Variants in FTO observed in about 807,000 individuals in gnomAD.
FTO encodes FTO alpha-ketoglutarate dependent dioxygenase, also known as alpha-ketoglutarate-dependent dioxygenase FTO.
Under a neutral mutation model 63.9 loss-of-function variants are expected in FTO, and 47 were observed. The ratio of observed to expected loss-of-function variants is 0.74; its 90% CI spans 0.58 to 0.94. The LOEUF is 0.94. FTO is among the 40% of genes least tolerant of loss of function. FTO has a pLI of 0.00. For missense variants in FTO, 562 were observed against 618.1 expected, an observed-to-expected ratio of 0.91 and a Z score of 0.96; for synonymous variants, 207 against 224.4, an observed-to-expected ratio of 0.92 and a Z score of 0.69.
At chr16:53,715,824 C>T (rs2075882467) in intron 1 of FTO, among the ~76,000 whole-genome samples, 1 of 151,994 alleles carries the variant, frequency 6.6e-6, no homozygotes, top group Non-Finnish European at 1.5e-5. Context: ...TATATTTATT[C>T]TAATATGTTG....
intron 8 of FTO, among the ~76,000 whole-genome samples, chr16:53,936,933 T>C (rs2082404394): frequency 6.6e-6 from 1 of 152,212 alleles, no homozygotes. Context: ...TTTGCGATCA[T>C]ATTAGGGAGA....
At chr16:54,063,458 G>C (rs993594800) in intron 8 of FTO, among the ~76,000 whole-genome samples, 1 of 152,156 alleles carries the variant, frequency 6.6e-6, no homozygotes, top group Non-Finnish European at 1.5e-5. Context: ...ACAGCGCTAC[G>C]TTTTACAGTT....
At position 54,018,409 on chromosome 16, in the gene FTO, G is replaced by GATAGATAGATAGATAGATAGTTAC. The variant is rs1474063795; in HGVS notation, c.1364+84303_1364+84304insGATAGATAGATAGATAGTTACATA. 3.9e-4 allele frequency among the ~76,000 whole-genome samples: 55 copies of GATAGATAGATAGATAGATAGTTAC among 142,228 alleles called. 1 individual carries two copies. Among genetic ancestry groups the GATAGATAGATAGATAGATAGTTAC allele is most frequent in the Non-Finnish European group, 7.6e-5 (5 of 65,640 alleles). 93.3% of individuals were successfully genotyped at this position (142,228 alleles called of 152,430 possible). ...TGATAGATAGATAGATAGATAGATA[G>GATAGATAGATAGATAGATAGTTAC]ATACATACATACATACATACATACA... On this transcript the variant is annotated intron_variant, in intron 8 of 8. Coordinates refer to ENST00000471389, the MANE Select transcript of FTO (RefSeq NM_001080432.3).
chr16:53,788,502 C>CT (rs1472757910), intron 1 of FTO, among the ~76,000 whole-genome samples: 1 of 150,530 alleles, frequency 6.6e-6, no homozygotes, highest in African/African-American at 2.4e-5. Context: ...ACTAAGGAGG[C>CT]TGAGGCAGGA....
intron 3 of FTO, among the ~76,000 whole-genome samples, chr16:53,828,733 T>C (rs1331160693): frequency 6.6e-6 from 1 of 152,210 alleles, no homozygotes; most frequent in Non-Finnish European, 1.5e-5. Flanking sequence ...AGAAGGTTGA[T>C]TAACTTGTTC....
intron 7 of FTO, among the ~76,000 whole-genome samples, chr16:53,900,955 T>C: frequency 6.6e-6 from 1 of 152,186 alleles, no homozygotes; most frequent in East Asian, 1.9e-4. Flanking sequence ...ATGCATTTCT[T>C]TGCAAGGTAT....
intron 7 of FTO, among the ~76,000 whole-genome samples, chr16:53,904,402 C>T (rs2081483679): frequency 6.6e-6 from 1 of 152,240 alleles, no homozygotes; most frequent in Non-Finnish European, 1.5e-5. Flanking sequence ...GTTACTGCAA[C>T]TGAAGAATCC....
chr16:54,110,253 G>A (rs1189689506), intron 8 of FTO, among the ~76,000 whole-genome samples: 1 of 152,120 alleles, frequency 6.6e-6, no homozygotes, highest in African/African-American at 2.4e-5. Flanking sequence ...TAATATTTAT[G>A]CTAAGAGGAT....
At chr16:54,031,947 T>C (rs1472730292) in intron 8 of FTO, among the ~76,000 whole-genome samples, 3 of 152,162 alleles carry the variant, frequency 2.0e-5, no homozygotes, top group Admixed American at 1.3e-4. Flanking sequence ...AATAAGGTAG[T>C]GTACAGTAGG....
At position 54,046,173 on chromosome 16, in the gene FTO, C is replaced by T. The variant is rs1363185724; in HGVS notation, c.1365-65589C>T. 3.1e-5 allele frequency among the ~76,000 whole-genome samples: 3 copies of T among 96,716 alleles called. No individual in the cohort carries two copies. The South Asian group carries it at 1.2e-3, about 39-fold the overall frequency. The allele number at this position is 96,716 out of a possible 152,430, so 63.4% of individuals were successfully genotyped here. On this transcript the variant is annotated intron_variant, in intron 8 of 8. Coordinates refer to ENST00000471389, the MANE Select transcript of FTO (RefSeq NM_001080432.3). ...TAGGAAAAGAGGAAGTCAAATTGTCCGTGTTTGCAGACGACATGATTGTTT... is the reference window on the plus strand; with the variant it reads ...TAGGAAAAGAGGAAGTCAAATTGTCTGTGTTTGCAGACGACATGATTGTTT...
chr16:54,062,373 G>A (rs534943265), intron 8 of FTO, among the ~76,000 whole-genome samples: 1 of 152,114 alleles, frequency 6.6e-6, no homozygotes. Context: ...CTTGGCAGGG[G>A]GGTGCGGCAG....
intron 1 of FTO, among the ~76,000 whole-genome samples, chr16:53,778,561 C>A (rs1187582770): frequency 6.6e-6 from 1 of 152,146 alleles, no homozygotes; most frequent in Non-Finnish European, 1.5e-5. Context: ...CTTGTGGAAC[C>A]TTTGCCAATC....
intron 8 of FTO, chr16:54,054,464 T>G (rs1302495454): frequency 6.6e-6 from 1 of 152,142 alleles, no homozygotes; most frequent in Non-Finnish European, 1.5e-5. Flanking sequence ...GCTGATGGAA[T>G]TAAAACTGCG....
chr16:53,729,907 C>T (rs1335429587), intron 1 of FTO, among the ~76,000 whole-genome samples: 1 of 152,144 alleles, frequency 6.6e-6, no homozygotes, highest in Non-Finnish European at 1.5e-5. Context: ...GCTGTTTGTC[C>T]ATTACTTTCT....
intron 7 of FTO, among the ~76,000 whole-genome samples, chr16:53,899,637 C>T (rs2081354709): frequency 6.6e-6 from 1 of 152,098 alleles, no homozygotes; most frequent in South Asian, 2.1e-4. Context: ...AGACAGATCC[C>T]AGGAAAGGAT....
intron 1 of FTO, among the ~76,000 whole-genome samples, chr16:53,793,751 C>T (rs2077988155): frequency 6.6e-6 from 1 of 151,854 alleles, no homozygotes. Context: ...AACAAACAAA[C>T]AAACAAAAAT....
chr16:53,764,486 A>AC (rs1347177119), intron 1 of FTO, among the ~76,000 whole-genome samples: 2 of 151,418 alleles, frequency 1.3e-5, no homozygotes, highest in Admixed American at 1.3e-4. Context: ...AAAAAAAAAA[A>AC]AAAAAGAAAA....
intron 6 of FTO, among the ~76,000 whole-genome samples, chr16:53,883,648 AAC>A (rs1204990734): frequency 1.3e-4 from 20 of 150,716 alleles, no homozygotes; most frequent in Non-Finnish European, 2.4e-4. Flanking sequence ...AAAAAAAAAA[AAC>A]AAATTTGTCT....
rs567292148 is a variant in FTO, at chr16:54,096,444, C to T, written c.1365-15318C>T. ...AGCTGCACCAACATATAATTGTGCTCCTGTCATAAAACATCCATAGGCAAA... is the reference window on the plus strand; with the variant it reads ...AGCTGCACCAACATATAATTGTGCTTCTGTCATAAAACATCCATAGGCAAA... On this transcript the variant is annotated intron_variant, in intron 8 of 8. Coordinates refer to ENST00000471389, the MANE Select transcript of FTO (RefSeq NM_001080432.3). Among the ~76,000 whole-genome samples, 3 of 152,222 alleles carry T rather than the reference C, an allele frequency of 2.0e-5. No individual in the cohort carries two copies. In the South Asian group the frequency reaches 6.2e-4, roughly 32 times the overall value.
Sources: gnomAD v4.1 joint callset for allele counts (sites outside exome capture counted in the v4.1 genomes callset) on GRCh38, gnomAD v4.1.1 for gene constraint, MANE v1.5 for transcripts, NCBI Gene and HGNC (gene_info 2026-07-23, HGNC 2026-07-21) for gene names.